The following PTPDC1 variants were observed in gnomAD, a reference collection of about 807,000 sequenced individuals.
PTPDC1 encodes protein tyrosine phosphatase domain-containing protein 1.
Under a neutral mutation model 75.3 loss-of-function variants are expected in PTPDC1, and 53 were observed. That is an observed-to-expected ratio of 0.70 (90% CI 0.56 to 0.88). PTPDC1 has a LOEUF of 0.88. PTPDC1 is among the 40% of genes least tolerant of loss of function. The pLI is 0.00. For missense variants in PTPDC1, 925 were observed against 998.6 expected, an observed-to-expected ratio of 0.93 and a Z score of 0.99; for synonymous variants, 349 against 366.2, an observed-to-expected ratio of 0.95 and a Z score of 0.54.
chr9:94,045,574 T>C (rs1396174025), intron 1 of PTPDC1, among the ~76,000 whole-genome samples: 1 of 152,196 alleles, frequency 6.6e-6, no homozygotes, highest in East Asian at 1.9e-4. Context: ...TGGTTTTGAT[T>C]TGCATTTCTC....
At chr9:94,051,068 C>T (rs1170214353) in intron 1 of PTPDC1, among the ~76,000 whole-genome samples, 2 of 152,126 alleles carry the variant, frequency 1.3e-5, no homozygotes, top group East Asian at 1.9e-4. Context: ...GGAAAAGTGC[C>T]GAATTAGGGT....
At chr9:94,045,507 T>C (rs1446533694) in intron 1 of PTPDC1, among the ~76,000 whole-genome samples, 3 of 152,150 alleles carry the variant, frequency 2.0e-5, no homozygotes, top group African/African-American at 7.2e-5. Flanking sequence ...CAGCACCTGT[T>C]GTTTCCTGAC....
chr9:94,052,341 T>C (rs972234412), intron 1 of PTPDC1, among the ~76,000 whole-genome samples: 2 of 152,192 alleles, frequency 1.3e-5, no homozygotes, highest in Non-Finnish European at 2.9e-5. Flanking sequence ...CTTTCTATTA[T>C]TTCTCTTCTT....
Position 94,095,417 on chromosome 9 carries a change from A to G in PTPDC1, c.717A>G (p.Lys239=), listed in dbSNP as rs1324295806. 1 of 1,613,978 alleles carries G rather than the reference A, an allele frequency of 6.2e-7. No individual in the cohort carries two copies. The highest frequency in any genetic ancestry group is 2.2e-5 in the East Asian group (1 of 44,858). Residue 239 remains lysine (K), a synonymous_variant, in exon 5 of 9, where the codon AAA becomes AAG. Coordinates refer to ENST00000620992, the MANE Select transcript of PTPDC1 (RefSeq NM_001253829.2). ...TGACATTTGCCTTACAGGAAGGAAA[A>G]GTAGCTATCCATTGTCATGCAGGGC... ...KVMTFALQEG[K]VAIHCHAGLG...
At chr9:94,040,276 A>G (rs1825392374) in intron 1 of PTPDC1, among the ~76,000 whole-genome samples, 1 of 152,236 alleles carries the variant, frequency 6.6e-6, no homozygotes, top group Non-Finnish European at 1.5e-5. Flanking sequence ...AGTTGAGCCT[A>G]GTCCAAGTAC....
At position 94,108,799 on chromosome 9, in the gene PTPDC1, G is replaced by C. The variant is rs1207512040; in HGVS notation, c.*855G>C. ...TTGCTAAGAAGCAGGGCTTGCCTCT[G>C]TCCTCCCGGGGACTCCACAGGGATA... On this transcript the variant is annotated 3_prime_UTR_variant, in exon 9 of 9. Transcript: ENST00000620992. The C allele has an allele frequency of 1.3e-5, 2 of 152,280 alleles. No individual in the cohort carries two copies. The highest frequency in any genetic ancestry group is 6.5e-5 in the Admixed American group (1 of 15,274). The allele number at this position is 152,280 out of a possible 1,614,324, so 9.4% of individuals were successfully genotyped here. A position where few individuals can be genotyped will look rare whatever the true frequency, so the allele number is the denominator to read the frequency against.
At chr9:94,061,839 A>T (rs1826150772) in intron 1 of PTPDC1, among the ~76,000 whole-genome samples, 1 of 152,200 alleles carries the variant, frequency 6.6e-6, no homozygotes, top group South Asian at 2.1e-4. Context: ...GGGAGGGGCT[A>T]CCTGGAAGGT....
At chr9:94,058,215 T>C (rs1587854856) in intron 1 of PTPDC1, among the ~76,000 whole-genome samples, 1 of 152,020 alleles carries the variant, frequency 6.6e-6, no homozygotes, top group Non-Finnish European at 1.5e-5. Context: ...CACAGGAAGG[T>C]GCAGAGGGCC....
At chr9:94,054,031 A>G (rs773844021) in intron 1 of PTPDC1, among the ~76,000 whole-genome samples, 15 of 152,224 alleles carry the variant, frequency 9.9e-5, no homozygotes, top group Non-Finnish European at 1.9e-4. Flanking sequence ...AATACTGAGT[A>G]GCACTATGTG....
intron 4 of PTPDC1, among the ~76,000 whole-genome samples, chr9:94,093,132 G>A (rs1302040963): frequency 3.3e-5 from 5 of 152,098 alleles, no homozygotes; most frequent in African/African-American, 1.2e-4. Context: ...TCATTATGAT[G>A]TTAGCTGGTT....
rs528373212 is a variant in PTPDC1 at position 94,109,829 on chromosome 9, G to A, written c.*1885G>A. On this transcript the variant is annotated 3_prime_UTR_variant, in exon 9 of 9. Transcript: ENST00000620992. Reference sequence around the variant, plus strand: ...CTATACATAAGTATTGTATTTATTTGAATAAAAATAAAAAGAGCAACCCAT... The same window carrying A: ...CTATACATAAGTATTGTATTTATTTAAATAAAAATAAAAAGAGCAACCCAT... The A allele has an allele frequency of 6.6e-6, 1 of 152,272 alleles. No homozygotes were observed. Among genetic ancestry groups the A allele is most frequent in the African/African-American group, 2.4e-5 (1 of 41,550 alleles). 9.4% of individuals were successfully genotyped at this position (152,272 alleles called of 1,614,324 possible). A position where few individuals can be genotyped will look rare whatever the true frequency, so the allele number is the denominator to read the frequency against.
At chr9:94,069,998 G>A (rs1826457164) in intron 2 of PTPDC1, among the ~76,000 whole-genome samples, 1 of 150,732 alleles carries the variant, frequency 6.6e-6, no homozygotes, top group African/African-American at 2.4e-5. Flanking sequence ...CTAATTTTTT[G>A]TATTTCTAGT....
At chr9:94,041,937 T>C (rs1825437582) in intron 1 of PTPDC1, among the ~76,000 whole-genome samples, 1 of 152,246 alleles carries the variant, frequency 6.6e-6, no homozygotes, top group Admixed American at 6.5e-5. Flanking sequence ...GTAGGAACTA[T>C]ATGTATGTAT....
intron 2 of PTPDC1, among the ~76,000 whole-genome samples, chr9:94,076,110 TC>T (rs1206368013): frequency 6.6e-6 from 1 of 152,124 alleles, no homozygotes; most frequent in Admixed American, 6.5e-5. Flanking sequence ...AAGCAATTCT[TC>T]TGCCTCAGCC....
In PTPDC1 at chr9:94,098,235, C is replaced by T. The variant is rs765184231; in HGVS notation, c.1669C>T (p.Pro557Ser). Residue 557 changes from proline to serine, a missense_variant, in exon 6 of 9, where the codon CCA becomes TCA. Physicochemically the swap from Pro to Ser is moderately conservative, Grantham distance 74. Coordinates refer to ENST00000620992, the MANE Select transcript of PTPDC1 (RefSeq NM_001253829.2). ...DVSGSHSPGE[P>S]VSPSFANVHK... Reference sequence around the variant, plus strand: ...TTCAGGCTCACACAGCCCTGGGGAGCCAGTTTCACCCAGCTTTGCAAATGT... The same window carrying T: ...TTCAGGCTCACACAGCCCTGGGGAGTCAGTTTCACCCAGCTTTGCAAATGT... The T allele has an allele frequency of 1.2e-6, 2 of 1,614,166 alleles. No individual in the cohort carries two copies. The highest frequency in any genetic ancestry group is 1.7e-6 in the Non-Finnish European group (2 of 1,180,038).
intron 1 of PTPDC1, among the ~76,000 whole-genome samples, chr9:94,056,769 A>C (rs1004789442): frequency 1.8e-4 from 28 of 152,206 alleles, no homozygotes; most frequent in Non-Finnish European, 3.2e-4. Context: ...TTTGTGTTCT[A>C]CTGTTCTTAA....
rs979591393 is a variant in PTPDC1, at chr9:94,104,274, G to C, written c.2200-1G>C. 6.3e-7 allele frequency: 1 copy of C among 1,596,822 alleles called. No homozygotes were observed. Among genetic ancestry groups the C allele is most frequent in the Non-Finnish European group, 8.6e-7 (1 of 1,167,918 alleles). On this transcript the variant is annotated splice_acceptor_variant, in intron 7 of 8. Transcript: ENST00000620992. LOFTEE classifies it high-confidence loss of function. ...TTAAATTTTGATTTCTACAAAAACA[G>C]GGACAGCACCAGACTATTCTCTGCG...
chr9:94,104,157 G>T, intron 7 of PTPDC1, 118 bp from the exon 8 acceptor site: 1 of 558,356 alleles, frequency 1.8e-6, no homozygotes. Context: ...AGATATTTTG[G>T]CATTTGACAT....
In PTPDC1 at chr9:94,084,708, A is replaced by G. The variant is rs1178921280; in HGVS notation, c.178A>G (p.Met60Val). 1 of 1,612,262 alleles carries G rather than the reference A, an allele frequency of 6.2e-7. No individual in the cohort carries two copies. The highest frequency in any genetic ancestry group is 8.5e-7 in the Non-Finnish European group (1 of 1,179,164). The change falls in exon 1 of 9, where the codon ATG (methionine) becomes GTG (valine). Residue 60 changes from methionine to valine, a missense_variant. By Grantham distance (21) the Met-to-Val change is conservative. Transcript: ENST00000620992. ...KLLSSSSLQV[M>V]VAVSSVSHAE... ...GCTGTCCTCGTCCTCTCTCCAGGTG[A>G]TGGTGGCTGTTTCCTCAGTCAGCCA...
Sources: gnomAD v4.1 joint callset for allele counts (sites outside exome capture counted in the v4.1 genomes callset) on GRCh38, gnomAD v4.1.1 for gene constraint, MANE v1.5 for transcripts, NCBI Gene and HGNC (gene_info 2026-07-23, HGNC 2026-07-21) for gene names.